The following RALGAPB variants were observed in gnomAD, a reference collection of about 807,000 sequenced individuals.
RALGAPB encodes Ral GTPase activating protein non-catalytic subunit beta, also known as ral GTPase-activating protein subunit beta.
RALGAPB carries 25 observed loss-of-function variants against 161.1 expected under a neutral mutation model. The observed-to-expected ratio is 0.16, with a 90% CI of 0.11 to 0.22. The LOEUF is 0.22. Among genes scored for constraint, RALGAPB ranks in the 10% least tolerant of loss-of-function variants. The pLI, the probability that RALGAPB is intolerant of heterozygous loss-of-function variation, is 1.00. For missense variants in RALGAPB, 1,391 were observed against 1,815.2 expected (o/e 0.77, Z 4.25); for synonymous variants, 629 against 626.1 (o/e 1.00, Z -0.07).
At chr20:38,552,958 CTGTTAGA>C (rs890844251) in intron 21 of RALGAPB, among the ~76,000 whole-genome samples, 2 of 152,028 alleles carry the variant, frequency 1.3e-5, no homozygotes, top group Non-Finnish European at 2.9e-5. Context: ...GGGTATTTAG[CTGTTAGA>C]TGTGGGGGCT....
rs1419926039 is a variant in RALGAPB, at chr20:38,576,536, A to G, written c.*1569A>G. 1 of 152,236 alleles carries G rather than the reference A, an allele frequency of 6.6e-6. No homozygotes were observed. Among genetic ancestry groups the G allele is most frequent in the Non-Finnish European group, 1.5e-5 (1 of 68,034 alleles). The allele number at this position is 152,236 out of a possible 1,614,324, so 9.4% of individuals were successfully genotyped here. On this transcript the variant is annotated 3_prime_UTR_variant, in exon 30 of 30. Coordinates refer to ENST00000262879, the MANE Select transcript of RALGAPB (RefSeq NM_020336.4). ...ACCTGTTCATGTTTGTTTTAAGCTC[A>G]GGTAAAGATAACCTCCTCTTTCTAT...
At chr20:38,489,050 T>C (rs750223335) in intron 2 of RALGAPB, among the ~76,000 whole-genome samples, 2 of 152,206 alleles carry the variant, frequency 1.3e-5, no homozygotes, top group Admixed American at 6.5e-5. Context: ...TCAGGCTATG[T>C]GTATGCTGTG....
chr20:38,542,673 C>T (rs1160414816), intron 18 of RALGAPB, among the ~76,000 whole-genome samples: 3 of 151,908 alleles, frequency 2.0e-5, no homozygotes, highest in Non-Finnish European at 2.9e-5. Flanking sequence ...GTCAAGAGAT[C>T]GAGACCTCCT....
At chr20:38,573,687 C>T (rs2088326665) in intron 28 of RALGAPB, 1 of 152,264 alleles carries the variant, frequency 6.6e-6, no homozygotes, top group Non-Finnish European at 1.5e-5. Context: ...TGGGCCGAAG[C>T]TGTGTTCCTG....
chr20:38,570,919 G>A (rs2088209268), intron 28 of RALGAPB, 72 bp downstream of exon 28: 3 of 1,024,668 alleles, frequency 2.9e-6, no homozygotes, highest in South Asian at 1.5e-5. Context: ...AATAAATAAG[G>A]AATTATGAAA....
intron 26 of RALGAPB, among the ~76,000 whole-genome samples, chr20:38,567,688 T>C (rs2088059205): frequency 6.6e-6 from 1 of 152,132 alleles, no homozygotes; most frequent in Non-Finnish European, 1.5e-5. Context: ...AAGAGGAGCT[T>C]TTTGCTTTAT....
At chr20:38,523,461 A>C (rs1020527097) in intron 10 of RALGAPB, among the ~76,000 whole-genome samples, 1 of 152,216 alleles carries the variant, frequency 6.6e-6, no homozygotes, top group African/African-American at 2.4e-5. Flanking sequence ...AATGGGTGGT[A>C]GTAGGACAAA....
At chr20:38,555,075 C>T (rs771902045) in intron 22 of RALGAPB, among the ~76,000 whole-genome samples, 1 of 152,116 alleles carries the variant, frequency 6.6e-6, no homozygotes, top group African/African-American at 2.4e-5. Flanking sequence ...CAGAGTGAGA[C>T]CCTGTCTCTT....
Position 38,574,799 on chromosome 20 carries a change from T to A in RALGAPB, c.4317T>A (p.Ile1439=). The part of the protein sequence containing the change: ...ALGFLVRQTV[I]NICRRKRLES... ...GCTTTCTGGTGAGGCAGACTGTAATTAACATTTGTAGAAGAAAGAGACTGG... is the reference window on the plus strand; with the variant it reads ...GCTTTCTGGTGAGGCAGACTGTAATAAACATTTGTAGAAGAAAGAGACTGG... Residue 1439 remains isoleucine, a synonymous_variant, in exon 30 of 30, where the codon ATT becomes ATA. Transcript: ENST00000262879. 6.2e-7 allele frequency: 1 copy of A among 1,614,040 alleles called. No individual in the cohort carries two copies. Among genetic ancestry groups the A allele is most frequent in the African/African-American group, 1.3e-5 (1 of 75,040 alleles).
Position 38,574,253 on chromosome 20 carries a change from G to T in RALGAPB, c.4246G>T (p.Val1416Phe). The T allele has an allele frequency of 6.2e-7, 1 of 1,613,740 alleles. No homozygotes were observed. The highest frequency in any genetic ancestry group is 8.5e-7 in the Non-Finnish European group (1 of 1,179,822). Reference protein sequence around the residue: ...IQGATGKFNMVIPLVDGMIVS... With the variant: ...IQGATGKFNMFIPLVDGMIVS... ...AGGAGCCACTGGAAAATTTAATATG[G>T]TCATCCCTCTTGTGGATGGGATGAT... Residue 1416 changes from valine to phenylalanine, a missense_variant, in exon 29 of 30, where the codon GTC (valine) becomes TTC (phenylalanine). Physicochemically the swap from Val to Phe is conservative, Grantham distance 50 (BLOSUM62 -1). Transcript: ENST00000262879.
chr20:38,480,381 CTTTCTTTTTTTTT>C (rs2084930749), intron 1 of RALGAPB, among the ~76,000 whole-genome samples: 1 of 92,116 alleles, frequency 1.1e-5, no homozygotes, highest in Non-Finnish European at 2.4e-5. Flanking sequence ...TCTTTTCTTT[CTTTCTTTTTTTTT>C]TTTTTTTTTT....
chr20:38,476,737 TA>T (rs1206901329), intron 1 of RALGAPB, among the ~76,000 whole-genome samples: 1 of 152,228 alleles, frequency 6.6e-6, no homozygotes, highest in Non-Finnish European at 1.5e-5. Flanking sequence ...TCATCTACCT[TA>T]AACATGCTCA....
At chr20:38,507,164 C>T (rs1263537685) in intron 5 of RALGAPB, among the ~76,000 whole-genome samples, 1 of 151,980 alleles carries the variant, frequency 6.6e-6, no homozygotes, top group Non-Finnish European at 1.5e-5. Flanking sequence ...GTATTTTTTC[C>T]ATTTAGTTCC....
At chr20:38,523,043 A>G (rs1043198039) in intron 10 of RALGAPB, among the ~76,000 whole-genome samples, 2 of 151,960 alleles carry the variant, frequency 1.3e-5, no homozygotes, top group African/African-American at 4.8e-5. Flanking sequence ...AGTCCCAGCT[A>G]CTCGGGAAGC....
intron 14 of RALGAPB, among the ~76,000 whole-genome samples, 177 bp from the exon 15 acceptor site, chr20:38,532,553 A>G (rs952635994): frequency 6.6e-6 from 1 of 152,168 alleles, no homozygotes; most frequent in South Asian, 2.1e-4. Context: ...CCTCCAGTAG[A>G]TTTGTGTGTG....
chr20:38,516,692 A>G (rs1170564223), intron 7 of RALGAPB: 2 of 209,034 alleles, frequency 9.6e-6, no homozygotes, highest in Non-Finnish European at 9.6e-6. Context: ...TAAATGGACA[A>G]AGGATAAGAG....
intron 5 of RALGAPB, among the ~76,000 whole-genome samples, chr20:38,506,364 G>A (rs1237734382): frequency 6.6e-6 from 1 of 151,952 alleles, no homozygotes; most frequent in Non-Finnish European, 1.5e-5. Context: ...TGCAATCACA[G>A]CTTACTGCAG....
At chr20:38,523,391 T>C (rs1438031188) in intron 10 of RALGAPB, among the ~76,000 whole-genome samples, 1 of 152,178 alleles carries the variant, frequency 6.6e-6, no homozygotes, top group Non-Finnish European at 1.5e-5. Flanking sequence ...TCCTAAATGG[T>C]ACTTTGGTAG....
At chr20:38,493,874 A>G (rs976980394) in intron 3 of RALGAPB, among the ~76,000 whole-genome samples, 1 of 152,190 alleles carries the variant, frequency 6.6e-6, no homozygotes, top group African/African-American at 2.4e-5. Context: ...TCTGGCCCCT[A>G]ACTAGACTAG....
Sources: allele counts gnomAD v4.1 joint callset (sites outside exome capture counted in the v4.1 genomes callset), GRCh38; gene constraint gnomAD v4.1.1; transcripts MANE v1.5; gene names NCBI Gene and HGNC (gene_info 2026-07-23, HGNC 2026-07-21).